SLC30A8: variants seen among roughly 807,000 people sequenced by gnomAD.
The protein encoded by SLC30A8 is proton-coupled zinc antiporter SLC30A8.
In SLC30A8, 27 loss-of-function variants were observed where a neutral mutation model predicts 36.9. That is an observed-to-expected ratio of 0.73 (90% CI 0.54 to 1.01). SLC30A8 has a LOEUF of 1.01. Among genes scored for constraint, SLC30A8 ranks in the 50% least tolerant of loss-of-function variants. The probability of loss-of-function intolerance (pLI) is 0.00; values close to 1 mark genes in which losing one functional copy is unlikely to be tolerated. For missense variants in SLC30A8, 439 were observed against 452.0 expected, an observed-to-expected ratio of 0.97 and a Z score of 0.26; for synonymous variants, 164 against 172.4, an observed-to-expected ratio of 0.95 and a Z score of 0.38.
intron 2 of SLC30A8, among the ~76,000 whole-genome samples, chr8:117,114,439 A>G (rs900349605): frequency 6.6e-6 from 1 of 152,134 alleles, no homozygotes; most frequent in Non-Finnish European, 1.5e-5. Flanking sequence ...AAGAGAGCAG[A>G]AAATCAATCT....
Position 117,032,986 on chromosome 8 carries a change from G to C in SLC30A8, c.-265-6233G>C, listed in dbSNP as rs73314014. 3.5e-3 allele frequency among the ~76,000 whole-genome samples: 527 copies of C among 152,248 alleles called. 9 individuals carry two copies. The highest frequency in any genetic ancestry group is 0.012 in the African/African-American group (508 of 41,560). On this transcript the variant is annotated intron_variant, in intron 1 of 10. Transcript: ENST00000427715. ...GTTCCTGCTGTAGCTAATGTCAGAG[G>C]AACCTCTGCAATCCTGGGCAGCATT...
chr8:117,056,663 A>G (rs1817881393), intron 2 of SLC30A8, among the ~76,000 whole-genome samples: 1 of 152,204 alleles, frequency 6.6e-6, no homozygotes, highest in Non-Finnish European at 1.5e-5. Flanking sequence ...GTCCTTGTCC[A>G]TGCAAATTCA....
intron 2 of SLC30A8, among the ~76,000 whole-genome samples, chr8:117,090,423 T>C (rs1026440343): frequency 2.0e-5 from 3 of 152,196 alleles, no homozygotes; most frequent in African/African-American, 7.2e-5. Flanking sequence ...AAAACTATCA[T>C]AGACTGGGTA....
chr8:117,133,479 A>G (rs1310630832), upstream of SLC30A8, among the ~76,000 whole-genome samples: 1 of 152,088 alleles, frequency 6.6e-6, no homozygotes. Flanking sequence ...AGGAATCTCA[A>G]ACTTCCAGAT....
intron 1 of SLC30A8, among the ~76,000 whole-genome samples, chr8:117,021,002 G>A (rs1208159217): frequency 2.0e-5 from 3 of 152,122 alleles, no homozygotes; most frequent in Non-Finnish European, 4.4e-5. Context: ...TTAAAAAGAG[G>A]GTCAATGAGA....
chr8:117,086,032 G>A (rs565346215), intron 2 of SLC30A8, among the ~76,000 whole-genome samples: 1 of 152,278 alleles, frequency 6.6e-6, no homozygotes, highest in African/African-American at 2.4e-5. Context: ...TCAGGTCATG[G>A]CTCTTTTGAA....
At chr8:117,167,517 GTGTATGTGA>G (rs1448724807) in intron 6 of SLC30A8, among the ~76,000 whole-genome samples, 2 of 127,856 alleles carry the variant, frequency 1.6e-5, no homozygotes, top group African/African-American at 5.3e-5. Flanking sequence ...ATATGTATAT[GTGTATGTGA>G]TGTAAGTGTG....
At chr8:117,015,542 C>G (rs765402351) in intron 1 of SLC30A8, among the ~76,000 whole-genome samples, 3,148 of 151,918 alleles carry the variant, frequency 0.021, 107 homozygotes, top group Admixed American at 0.1. Context: ...ATGCACCCCC[C>G]CCCCCCAAAA....
At chr8:117,057,179 G>A (rs930379870) in intron 2 of SLC30A8, among the ~76,000 whole-genome samples, 1 of 152,068 alleles carries the variant, frequency 6.6e-6, no homozygotes, top group Non-Finnish European at 1.5e-5. Flanking sequence ...CATCTTCTGT[G>A]TCCTCACAAA....
chr8:117,088,827 T>C (rs1056338142), intron 2 of SLC30A8, among the ~76,000 whole-genome samples: 1 of 152,224 alleles, frequency 6.6e-6, no homozygotes, highest in Non-Finnish European at 1.5e-5. Context: ...TTTGGCTGAC[T>C]GTATTAGATG....
At chr8:117,107,222 A>G (rs1374107166) in intron 2 of SLC30A8, among the ~76,000 whole-genome samples, 2 of 152,168 alleles carry the variant, frequency 1.3e-5, no homozygotes, top group East Asian at 1.9e-4. Flanking sequence ...ATTTTGCACT[A>G]TACCAATAAC....
At chr8:117,066,981 T>A (rs1382340881) in intron 2 of SLC30A8, among the ~76,000 whole-genome samples, 2 of 152,166 alleles carry the variant, frequency 1.3e-5, no homozygotes, top group Non-Finnish European at 2.9e-5. Context: ...GAGGTTTAAT[T>A]GACTTACAGT....
intron 2 of SLC30A8, among the ~76,000 whole-genome samples, chr8:117,051,708 G>A (rs887941699): frequency 3.9e-5 from 6 of 152,094 alleles, no homozygotes; most frequent in Non-Finnish European, 8.8e-5. Context: ...AGCTACTCGG[G>A]AGACTGAGGC....
intron 1 of SLC30A8, among the ~76,000 whole-genome samples, chr8:117,021,184 C>T (rs1177063103): frequency 6.6e-6 from 1 of 152,106 alleles, no homozygotes; most frequent in Admixed American, 6.6e-5. Flanking sequence ...TCCTCAAAGC[C>T]TACAGTTGTT....
rs117567426 is a variant in SLC30A8, at chr8:117,092,233, G to A, written c.-225-43047G>A. Among the ~76,000 whole-genome samples, 768 of 152,266 alleles carry A rather than the reference G, an allele frequency of 5.0e-3. 12 individuals are homozygous for A. Among genetic ancestry groups the A allele is most frequent in the East Asian group, 0.027 (139 of 5,184 alleles). ...TTACGAAATACAAATTATATTTTCAGTGACTCCTCATATGAGCAAAATGTT... is the reference window on the plus strand; with the variant it reads ...TTACGAAATACAAATTATATTTTCAATGACTCCTCATATGAGCAAAATGTT... On this transcript the variant is annotated intron_variant, in intron 2 of 10. Coordinates refer to the SLC30A8 transcript ENST00000427715.
chr8:116,990,268 C>T (rs1350582643), intron 1 of SLC30A8, among the ~76,000 whole-genome samples: 1 of 151,872 alleles, frequency 6.6e-6, no homozygotes. Context: ...GACACCCAGT[C>T]TTACCTTTTC....
chr8:117,154,088 T>A (rs60461843), intron 3 of SLC30A8, among the ~76,000 whole-genome samples: 3,277 of 152,248 alleles, frequency 0.022, 87 homozygotes, highest in African/African-American at 0.062. Context: ...TTTTAAATTT[T>A]AATTTTAATT....
chr8:117,126,180 C>G (rs1253770814), intron 2 of SLC30A8, among the ~76,000 whole-genome samples: 2 of 151,848 alleles, frequency 1.3e-5, no homozygotes, highest in African/African-American at 4.8e-5. Flanking sequence ...GTTGACTTGA[C>G]AACTAGATCT....
At chr8:117,106,645 G>T (rs1447777774) in intron 2 of SLC30A8, among the ~76,000 whole-genome samples, 1 of 152,132 alleles carries the variant, frequency 6.6e-6, no homozygotes, top group Non-Finnish European at 1.5e-5. Context: ...TGTCAATTCA[G>T]TGTTTATTTC....
Sources: gnomAD v4.1 joint callset for allele counts (sites outside exome capture counted in the v4.1 genomes callset) on GRCh38, gnomAD v4.1.1 for gene constraint, MANE v1.5 for transcripts, NCBI Gene and HGNC (gene_info 2026-07-23, HGNC 2026-07-21) for gene names.